Variants in TUB observed in about 807,000 individuals in gnomAD.
The protein encoded by TUB is tubby protein homolog.
Under a neutral mutation model 59.7 loss-of-function variants are expected in TUB, and 33 were observed. The observed-to-expected ratio is 0.55, with a 90% CI of 0.42 to 0.74. TUB has a LOEUF of 0.74. TUB is among the 30% of genes least tolerant of loss of function. The pLI, the probability that TUB is intolerant of heterozygous loss-of-function variation, is 0.00. For missense variants in TUB, 659 were observed against 672.0 expected, an observed-to-expected ratio of 0.98 and a Z score of 0.21; for synonymous variants, 293 against 256.4, an observed-to-expected ratio of 1.14 and a Z score of -1.36.
intron 9 of TUB, 110 bp downstream of exon 9, chr11:8,098,985 G>T: frequency 2.4e-6 from 2 of 818,906 alleles, no homozygotes; most frequent in South Asian, 1.6e-5. Flanking sequence ...ACAAGGCTGT[G>T]TGGAGAGGGG....
chr11:8,081,446 C>A lies in TUB; in HGVS notation c.-65C>A. The A allele has an allele frequency of 7.4e-7, 1 of 1,350,532 alleles. No individual in the cohort carries two copies. The highest frequency in any genetic ancestry group is 9.5e-7 in the Non-Finnish European group (1 of 1,052,548). 83.7% of individuals were successfully genotyped at this position (1,350,532 alleles called of 1,614,324 possible). On this transcript the variant is annotated 5_prime_UTR_variant, in exon 1 of 12. Coordinates refer to ENST00000299506, the MANE Select transcript of TUB (RefSeq NM_177972.3). ...GGGCGGCCCGGGAGCTGAGCAGGGC[C>A]CCCGCGCCGGCCCCTCCGGGCCCCG... is the stretch of plus-strand genomic sequence containing the variant.
At chr11:8,097,984 C>G (rs1944077518) in intron 8 of TUB, among the ~76,000 whole-genome samples, 158 bp downstream of exon 8, 1 of 152,170 alleles carries the variant, frequency 6.6e-6, no homozygotes, top group African/African-American at 2.4e-5. Context: ...AGGCCTATGT[C>G]TATGCCAGCC....
intron 2 of TUB, among the ~76,000 whole-genome samples, chr11:8,058,454 G>T (rs1943059089): frequency 6.6e-6 from 1 of 152,184 alleles, no homozygotes; most frequent in South Asian, 2.1e-4. Context: ...TAGACCAGGG[G>T]AGTCAACAGG....
Position 8,063,755 on chromosome 11 carries a change from C to T in TUB, c.203+24063C>T, listed in dbSNP as rs573647651. Among the ~76,000 whole-genome samples the T allele has an allele frequency of 9.2e-5, 14 of 152,300 alleles. No homozygotes were observed. The South Asian group carries it at 1.5e-3, about 16-fold the overall frequency. Reference sequence around the variant, plus strand: ...AAAGGGCATGAACAATTTTATAGTTCTTGTCACATATTACTAGATGGTTCT... The same window carrying T: ...AAAGGGCATGAACAATTTTATAGTTTTTGTCACATATTACTAGATGGTTCT... On this transcript the variant is annotated intron_variant, in intron 2 of 12. Coordinates refer to the TUB transcript ENST00000305253.
chr11:8,069,492 C>T (rs1351715748), intron 2 of TUB: 1 of 151,620 alleles, frequency 6.6e-6, no homozygotes, highest in African/African-American at 2.4e-5. Flanking sequence ...ATTGACGTTT[C>T]ACATGACATT....
intron 3 of TUB, among the ~76,000 whole-genome samples, chr11:8,093,641 G>C (rs922453468): frequency 6.6e-6 from 1 of 152,154 alleles, no homozygotes; most frequent in Non-Finnish European, 1.5e-5. Context: ...TGCTTGCCCT[G>C]GTTGTGGTCT....
chr11:8,034,463 T>G (rs540379684), upstream of TUB, among the ~76,000 whole-genome samples: 31 of 152,260 alleles, frequency 2.0e-4, no homozygotes, highest in African/African-American at 7.5e-4. Flanking sequence ...GAGGGAGTCC[T>G]TTGCTGGATC....
intron 1 of TUB, among the ~76,000 whole-genome samples, chr11:8,083,615 C>CA (rs1943612473): frequency 6.6e-6 from 1 of 152,036 alleles, no homozygotes; most frequent in African/African-American, 2.4e-5. Context: ...CCTCCACCGC[C>CA]ACCCCTCCAA....
chr11:8,090,113 C>G lies in TUB; in HGVS notation c.135C>G (p.Pro45=). Residue 45 remains proline (P), a synonymous_variant, in exon 3 of 12, where the codon CCC becomes CCG. Coordinates refer to ENST00000299506, the MANE Select transcript of TUB (RefSeq NM_177972.3). The stretch of plus-strand genomic sequence containing the variant: ...AGCAGAAGAAGAAGCGCCAGGAGCC[C>G]CTGATGGTGCAGGCCAATGCAGATG... ...EQKQKKKRQE[P]LMVQANADGR... is the part of the protein sequence containing the mutation. The G allele has an allele frequency of 6.2e-7, 1 of 1,613,196 alleles. No individual in the cohort carries two copies. The highest frequency in any genetic ancestry group is 1.3e-5 in the African/African-American group (1 of 75,052).
At chr11:8,020,010 C>T (rs1410949359) in intron 1 of TUB, among the ~76,000 whole-genome samples, 1 of 152,176 alleles carries the variant, frequency 6.6e-6, no homozygotes, top group East Asian at 1.9e-4. Flanking sequence ...CCCACGCACT[C>T]GTCCTGGAGG....
chr11:8,081,929 C>A (rs1943575144), intron 1 of TUB, among the ~76,000 whole-genome samples: 1 of 152,216 alleles, frequency 6.6e-6, no homozygotes, highest in South Asian at 2.1e-4. Context: ...ACCCACAGGA[C>A]GTCCCTGCCT....
chr11:8,086,172 G>A lies in TUB; in HGVS notation c.39-3438G>A, dbSNP rs890943719. Among the ~76,000 whole-genome samples, 3 of 152,252 alleles carry A rather than the reference G, an allele frequency of 2.0e-5. No homozygotes were observed. In the South Asian group the frequency reaches 6.2e-4, roughly 31 times the overall value. On this transcript the variant is annotated intron_variant, in intron 1 of 11. Transcript: ENST00000299506. ...CTTGTCTGAGTCTCCTGGCGGGGCT[G>A]CAGCTGGCAGCCTGGGCTTGGCAGT...
Position 8,099,919 on chromosome 11 carries a change from C to A in TUB, c.1117-584C>A, listed in dbSNP as rs139186681. Among the ~76,000 whole-genome samples, 6 of 152,306 alleles carry A rather than the reference C, an allele frequency of 3.9e-5. 1 individual carries two copies. The East Asian group carries it at 1.2e-3, about 29-fold the overall frequency. On this transcript the variant is annotated intron_variant, in intron 9 of 11. Transcript: ENST00000299506. ...CAGTAAATGGTGAGGAGAGGAAGGTCATGGGGCCACGTGCAGGTGAAGTCA... is the reference window on the plus strand; with the variant it reads ...CAGTAAATGGTGAGGAGAGGAAGGTAATGGGGCCACGTGCAGGTGAAGTCA...
intron 2 of TUB, among the ~76,000 whole-genome samples, chr11:8,057,676 G>A (rs1213378776): frequency 6.6e-6 from 1 of 152,022 alleles, no homozygotes; most frequent in South Asian, 2.1e-4. Flanking sequence ...AGTTCCTTCA[G>A]CCCTCCAATA....
At chr11:8,084,564 G>A (rs1006432240) in intron 1 of TUB, among the ~76,000 whole-genome samples, 3 of 152,198 alleles carry the variant, frequency 2.0e-5, no homozygotes, top group Admixed American at 1.3e-4. Context: ...GGGTGGCCCC[G>A]TCCTCAGTGC....
chr11:8,041,811 T>C (rs1400262469), intron 2 of TUB, among the ~76,000 whole-genome samples: 1 of 152,188 alleles, frequency 6.6e-6, no homozygotes, highest in African/African-American at 2.4e-5. Context: ...CACTGCCTGC[T>C]TTCTCTAGTC....
chr11:8,092,937 G>A (rs1943829485), intron 3 of TUB, among the ~76,000 whole-genome samples: 1 of 152,140 alleles, frequency 6.6e-6, no homozygotes, highest in South Asian at 2.1e-4. Flanking sequence ...TTGACCTGCT[G>A]GCTATACTCA....
chr11:8,039,383 C>G (rs542981989), intron 1 of TUB: 25 of 456,754 alleles, frequency 5.5e-5, no homozygotes, highest in Non-Finnish European at 9.2e-5. Flanking sequence ...CTCCCCACCC[C>G]CCAGTGCTTC....
exon 1 of TUB, chr11:8,038,676 C>T (rs367588058): frequency 2.2e-5 from 30 of 1,385,554 alleles, no homozygotes; most frequent in South Asian, 1.8e-4. Context: ...GGGGAGACTG[C>T]GACCAGAAGA....
Sources: allele counts gnomAD v4.1 joint callset (sites outside exome capture counted in the v4.1 genomes callset), GRCh38; gene constraint gnomAD v4.1.1; transcripts MANE v1.5; gene names NCBI Gene and HGNC (gene_info 2026-07-23, HGNC 2026-07-21).